TRIO: variants seen among roughly 807,000 people sequenced by gnomAD.
TRIO encodes the protein triple functional domain protein.
Under a neutral mutation model 351.9 loss-of-function variants are expected in TRIO, and 58 were observed. The ratio of observed to expected loss-of-function variants is 0.16; its 90% CI spans 0.13 to 0.21. The LOEUF (loss-of-function observed/expected upper bound fraction) is 0.21. Among genes scored for constraint, TRIO ranks in the 10% least tolerant of loss-of-function variants. The probability of loss-of-function intolerance (pLI) is 1.00; values close to 1 mark genes in which losing one functional copy is unlikely to be tolerated. For missense variants in TRIO, 3,201 were observed against 4,027.8 expected (o/e 0.79, Z 5.56); for synonymous variants, 1,758 against 1,595.7 (o/e 1.10, Z -2.42).
At position 14,419,822 on chromosome 5, in the gene TRIO, C is replaced by T. The variant is rs149477759; in HGVS notation, c.5004C>T (p.Thr1668=). 1,219 of 1,614,180 alleles carry T rather than the reference C, an allele frequency of 7.6e-4. No individual in the cohort carries two copies. The highest frequency in any genetic ancestry group is 9.8e-4 in the Non-Finnish European group (1,156 of 1,180,032). ...TGACAGTGGTGATCCATGACTTCACCGCTTGCAACAGCAACGAGCTGACCA... is the reference window on the plus strand; with the variant it reads ...TGACAGTGGTGATCCATGACTTCACTGCTTGCAACAGCAACGAGCTGACCA... ...CELTVVIHDF[T]ACNSNELTIR... The change falls in exon 34 of 57, where the codon ACC becomes ACT. Residue 1668 remains threonine (T), a synonymous_variant. Coordinates refer to ENST00000344204, the MANE Select transcript of TRIO (RefSeq NM_007118.4).
In TRIO at chr5:14,290,749, G is replaced by A; in HGVS notation, c.574G>A (p.Val192Ile). The A allele has an allele frequency of 1.9e-6, 3 of 1,613,816 alleles. No homozygotes were observed. Among genetic ancestry groups the A allele is most frequent in the Non-Finnish European group, 2.5e-6 (3 of 1,179,824 alleles). The change falls in exon 5 of 57, where the codon GTA becomes ATA. Residue 192 changes from valine to isoleucine, a missense_variant. Val to Ile is a conservative substitution (Grantham distance 29). This residue lies in a region of TRIO where 15 missense variants were observed against 16.4 expected (regional missense o/e 0.91). Coordinates refer to ENST00000344204, the MANE Select transcript of TRIO (RefSeq NM_007118.4). ...NMVSLEGLTK[V>I]VDPSQLTPEF... ...GGTCTCTTTAGAAGGCCTTACCAAA[G>A]TAGTTGATCCTTCTCAGCTAACTCC...
intron 36 of TRIO, 29 bp downstream of exon 36, chr5:14,462,954 A>C: frequency 2.0e-6 from 3 of 1,535,316 alleles, no homozygotes; most frequent in Non-Finnish European, 2.6e-6. Flanking sequence ...TGGGGAATCC[A>C]TGCCTGCCGT....
chr5:14,477,709 T>C (rs989449335), intron 41 of TRIO, among the ~76,000 whole-genome samples: 5 of 152,204 alleles, frequency 3.3e-5, no homozygotes, highest in African/African-American at 1.2e-4. Context: ...CATTGAACTA[T>C]TGGGCTTCGA....
intron 1 of TRIO, among the ~76,000 whole-genome samples, chr5:14,269,137 C>T (rs188790551): frequency 2.0e-3 from 311 of 152,232 alleles, no homozygotes; most frequent in African/African-American, 7.1e-3. Flanking sequence ...AATAGTTCCA[C>T]GCAGCCTTCC....
At chr5:14,351,179 C>T (rs1331345859) in intron 11 of TRIO, among the ~76,000 whole-genome samples, 2 of 152,140 alleles carry the variant, frequency 1.3e-5, no homozygotes, top group Non-Finnish European at 2.9e-5. Context: ...ACTCCACCTA[C>T]CCAAGAATGA....
At chr5:14,433,732 A>T (rs1751365807) in intron 34 of TRIO, among the ~76,000 whole-genome samples, 1 of 152,198 alleles carries the variant, frequency 6.6e-6, no homozygotes, top group South Asian at 2.1e-4. Context: ...AACACTCCTG[A>T]TTTTTAGAGG....
chr5:14,308,587 C>A (rs547212082), intron 8 of TRIO, among the ~76,000 whole-genome samples: 94 of 151,714 alleles, frequency 6.2e-4, no homozygotes, highest in African/African-American at 2.2e-3. Context: ...TTTATCCAAT[C>A]ATTCATTCAT....
intron 1 of TRIO, among the ~76,000 whole-genome samples, chr5:14,245,363 C>T (rs963367551): frequency 1.4e-4 from 21 of 152,170 alleles, no homozygotes; most frequent in Admixed American, 1.4e-3. Flanking sequence ...GATCAGTGTA[C>T]GGTTTTCAAA....
intron 1 of TRIO, among the ~76,000 whole-genome samples, chr5:14,230,058 G>A (rs776958753): frequency 6.6e-6 from 1 of 152,198 alleles, no homozygotes; most frequent in Non-Finnish European, 1.5e-5. Context: ...GCGCTTGCAC[G>A]TAGAATCCCC....
At chr5:14,423,924 A>ATT (rs577094390) in intron 34 of TRIO, among the ~76,000 whole-genome samples, 10,717 of 118,006 alleles carry the variant, frequency 0.091, 945 homozygotes, top group African/African-American at 0.24. Flanking sequence ...ACCCCATGGA[A>ATT]TTTTTTTTTT....
At chr5:14,243,448 CTTAAATT>C (rs2152237839) in intron 1 of TRIO, among the ~76,000 whole-genome samples, 1 of 151,966 alleles carries the variant, frequency 6.6e-6, no homozygotes, top group African/African-American at 2.4e-5. Flanking sequence ...GTCTATGGTA[CTTAAATT>C]AAGTTTCCAT....
chr5:14,439,839 T>C lies in TRIO; in HGVS notation c.5203+19818T>C, dbSNP rs144707999. Among the ~76,000 whole-genome samples the C allele has an allele frequency of 4.6e-3, 702 of 152,246 alleles. 3 individuals are homozygous for C. The highest frequency in any genetic ancestry group is 5.9e-3 in the Non-Finnish European group (401 of 68,014). ...AATGCCAGACTCCCCTCTGCAGCAG[T>C]TGGTGAGAGAGCCGTTGGAGCGCCT... On this transcript the variant is annotated intron_variant, in intron 34 of 56. Coordinates refer to ENST00000344204, the MANE Select transcript of TRIO (RefSeq NM_007118.4).
In TRIO at chr5:14,157,965, A is replaced by ATGT. The variant is rs577644359; in HGVS notation, c.157+14084_157+14085insGTT. 6.2e-4 allele frequency among the ~76,000 whole-genome samples: 94 copies of ATGT among 152,236 alleles called. No homozygotes were observed. In the East Asian group the frequency reaches 0.014, roughly 23 times the overall value. Reference sequence around the variant, plus strand: ...TGGGGAGACAGTCTCAGTTTCATATATTATGTTCTGTACTGCCCATAAACA... The same window carrying ATGT: ...TGGGGAGACAGTCTCAGTTTCATATATGTTTATGTTCTGTACTGCCCATAAACA... On this transcript the variant is annotated intron_variant, in intron 1 of 56. Coordinates refer to ENST00000344204, the MANE Select transcript of TRIO (RefSeq NM_007118.4).
At chr5:14,253,028 C>T (rs1169203952) in intron 1 of TRIO, among the ~76,000 whole-genome samples, 3 of 152,210 alleles carry the variant, frequency 2.0e-5, no homozygotes, top group Non-Finnish European at 1.5e-5. Context: ...AGGGAAATAC[C>T]TTCTGTGTCA....
chr5:14,240,832 TC>T (rs755218041), intron 1 of TRIO, among the ~76,000 whole-genome samples: 141 of 152,264 alleles, frequency 9.3e-4, no homozygotes, highest in Middle Eastern at 3.4e-3. Context: ...ATTTGGGTGT[TC>T]CCCCCCACCC....
chr5:14,234,593 T>C (rs1793660194), intron 1 of TRIO, among the ~76,000 whole-genome samples: 1 of 152,186 alleles, frequency 6.6e-6, no homozygotes, highest in Non-Finnish European at 1.5e-5. Context: ...ATTAAAAAAT[T>C]CATATTTGGT....
intron 1 of TRIO, among the ~76,000 whole-genome samples, chr5:14,222,020 C>T (rs925585897): frequency 1.3e-5 from 2 of 152,116 alleles, no homozygotes; most frequent in African/African-American, 4.8e-5. Context: ...CGCAGCCACC[C>T]CAGCCTTCAA....
intron 36 of TRIO, 131 bp downstream of exon 36, chr5:14,463,056 T>C: frequency 8.4e-7 from 1 of 1,187,872 alleles, no homozygotes; most frequent in Non-Finnish European, 1.1e-6. Flanking sequence ...AATGCAGTGC[T>C]CTTTCAGGCA....
intron 33 of TRIO, among the ~76,000 whole-genome samples, chr5:14,408,961 T>C (rs924751294): frequency 3.3e-5 from 5 of 152,106 alleles, no homozygotes; most frequent in African/African-American, 1.2e-4. Context: ...TGGAAGTTGG[T>C]CTAAGAGGCA....
Sources: gnomAD v4.1 joint callset for allele counts (sites outside exome capture counted in the v4.1 genomes callset) on GRCh38, gnomAD v4.1.1 for gene constraint, gnomAD v4.1.1 regional missense constraint, MANE v1.5 for transcripts, NCBI Gene and HGNC (gene_info 2026-07-23, HGNC 2026-07-21) for gene names.